The following OLA1 variants were observed in gnomAD, a reference collection of about 807,000 sequenced individuals.
OLA1 encodes obg-like ATPase 1.
OLA1 carries 14 observed loss-of-function variants against 48.4 expected under a neutral mutation model. The observed-to-expected ratio is 0.29, with a 90% confidence interval of 0.19 to 0.45. The LOEUF is 0.45. OLA1 is among the 20% of genes least tolerant of loss of function. The pLI is 1.00. For synonymous variants in OLA1, 127 were observed against 150.4 expected (o/e 0.84, Z 1.14); for missense variants, 325 against 467.1 (o/e 0.70, Z 2.80).
In OLA1 at chr2:174,149,053, GCCAAGCTTCTT is replaced by G. The variant is rs1315457556; in HGVS notation, c.374-7064_374-7054del. Among the ~76,000 whole-genome samples, 7 of 150,420 alleles carry G rather than the reference GCCAAGCTTCTT, an allele frequency of 4.7e-5. No individual in the cohort carries two copies. In the South Asian group the frequency reaches 1.4e-3, roughly 29 times the overall value. On this transcript the variant is annotated intron_variant, in intron 4 of 10. Coordinates refer to ENST00000284719, the MANE Select transcript of OLA1 (RefSeq NM_013341.5). ...ATTGCTTTCATTCCTCCAGTTCAGA[GCCAAGCTTCTT>G]GAAGGAGCTGTCTACATGTGCTCTC...
At chr2:174,120,198 G>C (rs1685882221) in intron 7 of OLA1, among the ~76,000 whole-genome samples, 4 of 152,086 alleles carry the variant, frequency 2.6e-5, no homozygotes. Context: ...AGAGCAGCAA[G>C]GGTGCAAAGA....
intron 4 of OLA1, among the ~76,000 whole-genome samples, chr2:174,169,031 T>C (rs1225884297): frequency 6.6e-6 from 1 of 152,062 alleles, no homozygotes; most frequent in Admixed American, 6.6e-5. Flanking sequence ...CAATCTCAGC[T>C]CACTGCAACC....
intron 7 of OLA1, among the ~76,000 whole-genome samples, chr2:174,105,908 T>C (rs1359343826): frequency 6.6e-6 from 1 of 152,044 alleles, no homozygotes. Context: ...TTCAATATTT[T>C]CCGTAAACGG....
chr2:174,166,316 A>T (rs1373897822), intron 4 of OLA1, among the ~76,000 whole-genome samples: 1 of 152,228 alleles, frequency 6.6e-6, no homozygotes, highest in Non-Finnish European at 1.5e-5. Flanking sequence ...AAAATATGAT[A>T]GAGCCTCTGA....
At chr2:174,190,511 T>C (rs1687749589) in intron 4 of OLA1, among the ~76,000 whole-genome samples, 1 of 151,864 alleles carries the variant, frequency 6.6e-6, no homozygotes, top group Non-Finnish European at 1.5e-5. Flanking sequence ...ATTGGGTTAT[T>C]TGAAATATAT....
At chr2:174,139,575 G>A (rs1686390583) in intron 5 of OLA1, among the ~76,000 whole-genome samples, 2 of 152,172 alleles carry the variant, frequency 1.3e-5, no homozygotes, top group Non-Finnish European at 2.9e-5. Context: ...CACTATAGAA[G>A]GTGTATCTTG....
chr2:174,177,379 G>A (rs762512551), intron 4 of OLA1, among the ~76,000 whole-genome samples: 2 of 152,060 alleles, frequency 1.3e-5, no homozygotes, highest in Non-Finnish European at 2.9e-5. Flanking sequence ...ACAAGCAGAC[G>A]TTTTAGTCTA....
chr2:174,232,550 A>G (rs1244624488), intron 2 of OLA1, among the ~76,000 whole-genome samples: 1 of 152,172 alleles, frequency 6.6e-6, no homozygotes, highest in Non-Finnish European at 1.5e-5. Flanking sequence ...ACCTAGAGAA[A>G]TGTCTGTTCT....
chr2:174,095,903 TAAC>T (rs913945977), intron 7 of OLA1, among the ~76,000 whole-genome samples: 13 of 151,954 alleles, frequency 8.6e-5, no homozygotes, highest in African/African-American at 2.2e-4. Context: ...GAATATATAA[TAAC>T]AACAACAATA....
At chr2:174,230,715 A>C (rs1224718750) in intron 2 of OLA1, among the ~76,000 whole-genome samples, 1 of 152,218 alleles carries the variant, frequency 6.6e-6, no homozygotes, top group Non-Finnish European at 1.5e-5. Flanking sequence ...ATAAGACTAA[A>C]AACCAGATTT....
At chr2:174,218,582 T>C (rs1049847667) in intron 4 of OLA1, among the ~76,000 whole-genome samples, 5 of 152,298 alleles carry the variant, frequency 3.3e-5, no homozygotes, top group East Asian at 1.9e-4. Context: ...AAAACTACAG[T>C]AACTCCAGAT....
At position 174,131,282 on chromosome 2, in the gene OLA1, C is replaced by G. The variant is rs1018078852; in HGVS notation, c.550-7607G>C. On this transcript the variant is annotated intron_variant, in intron 5 of 10. Coordinates refer to ENST00000284719, the MANE Select transcript of OLA1 (RefSeq NM_013341.5). ...TATTTGTGAATTCATCCATGTCATT[C>G]CATGTAGCAGTATTGTGTTTTTCTC... is the stretch of plus-strand genomic sequence containing the variant. Among the ~76,000 whole-genome samples, 9 of 151,952 alleles carry G rather than the reference C, an allele frequency of 5.9e-5. No individual in the cohort carries two copies. In the East Asian group the frequency reaches 1.7e-3, roughly 29 times the overall value.
intron 4 of OLA1, among the ~76,000 whole-genome samples, chr2:174,217,052 C>G (rs1688377486): frequency 6.6e-6 from 1 of 152,082 alleles, no homozygotes; most frequent in Admixed American, 6.6e-5. Context: ...CCCCTAACCC[C>G]AGTATGTTCA....
chr2:174,224,985 A>G lies in OLA1; in HGVS notation c.246-1825T>C, dbSNP rs143297541. Among the ~76,000 whole-genome samples the G allele has an allele frequency of 3.0e-3, 450 of 152,322 alleles. 1 individual carries two copies. The highest frequency in any genetic ancestry group is 0.01 in the African/African-American group (416 of 41,578). ...CACTCATATGATAAATATGAAGTTGATATAGTTTGGATGTTCTGTCACCTC... is the reference window on the plus strand; with the variant it reads ...CACTCATATGATAAATATGAAGTTGGTATAGTTTGGATGTTCTGTCACCTC... On this transcript the variant is annotated intron_variant, in intron 3 of 10. Transcript: ENST00000284719.
In OLA1 at chr2:174,123,368, A is replaced by G. The variant is rs567683554; in HGVS notation, c.631-91T>C. On this transcript the variant is annotated intron_variant, in intron 6 of 10. Coordinates refer to ENST00000284719, the MANE Select transcript of OLA1 (RefSeq NM_013341.5). ...GAATTTGAAAGTAAACATTCCTTAA[A>G]ACAAGTAGGCATTTTCATTTTTATA... 3.4e-5 allele frequency: 22 copies of G among 642,014 alleles called. 1 individual carries two copies. In the South Asian group the frequency reaches 4.7e-4, roughly 14 times the overall value. The allele number at this position is 642,014 out of a possible 1,614,324, so 39.8% of individuals were successfully genotyped here.
rs139831093 is a variant in OLA1 at position 174,219,026 on chromosome 2, G to A, written c.373+4007C>T. 1.3e-4 allele frequency among the ~76,000 whole-genome samples: 18 copies of A among 139,446 alleles called. No homozygotes were observed. The East Asian group carries it at 3.6e-3, about 28-fold the overall frequency. The allele number at this position is 139,446 out of a possible 152,430, so 91.5% of individuals were successfully genotyped here. Reference sequence around the variant, plus strand: ...TTTTTTGTAGCAATGTGGTCTCCCTGTGCTTCCCGGGCCAATCTTGAACTC... The same window carrying A: ...TTTTTTGTAGCAATGTGGTCTCCCTATGCTTCCCGGGCCAATCTTGAACTC... On this transcript the variant is annotated intron_variant, in intron 4 of 10. Coordinates refer to ENST00000284719, the MANE Select transcript of OLA1 (RefSeq NM_013341.5).
chr2:174,121,608 C>T (rs1238140394), intron 7 of OLA1, among the ~76,000 whole-genome samples: 1 of 151,220 alleles, frequency 6.6e-6, no homozygotes, highest in Non-Finnish European at 1.5e-5. Flanking sequence ...AAAATAGGAT[C>T]ATTCATACCT....
At position 174,245,154 on chromosome 2, in the gene OLA1, T is replaced by C. The variant is rs1396342623; in HGVS notation, c.101+1561A>G. On this transcript the variant is annotated intron_variant, in intron 2 of 10. Coordinates refer to ENST00000284719, the MANE Select transcript of OLA1 (RefSeq NM_013341.5). ...TACTAGTGCAATAAAGCTCACAACA[T>C]AAATAATGATCATAGCTTGCTTTCA... 3.9e-5 allele frequency among the ~76,000 whole-genome samples: 6 copies of C among 152,232 alleles called. No individual in the cohort carries two copies. The East Asian group carries it at 9.6e-4, about 24-fold the overall frequency.
intron 4 of OLA1, among the ~76,000 whole-genome samples, chr2:174,178,341 T>G (rs1282999894): frequency 6.6e-6 from 1 of 151,992 alleles, no homozygotes; most frequent in Non-Finnish European, 1.5e-5. Flanking sequence ...TGGGAAGAAC[T>G]AAACTAATTT....
Sources: allele counts gnomAD v4.1 joint callset (sites outside exome capture counted in the v4.1 genomes callset), GRCh38; gene constraint gnomAD v4.1.1; transcripts MANE v1.5; gene names NCBI Gene and HGNC (gene_info 2026-07-23, HGNC 2026-07-21).